SGCZ: variants seen among roughly 807,000 people sequenced by gnomAD.
The protein encoded by SGCZ is sarcoglycan zeta.
In SGCZ, 40 loss-of-function variants were observed where a neutral mutation model predicts 41.3. The observed-to-expected ratio is 0.97, with a 90% CI of 0.75 to 1.26. SGCZ has a LOEUF of 1.26. SGCZ is among the 50% of genes most tolerant of loss of function. SGCZ has a pLI of 0.00. For synonymous variants in SGCZ, 206 were observed against 137.5 expected (o/e 1.50, Z -3.49); for missense variants, 552 against 369.8 (o/e 1.49, Z -4.04).
intron 4 of SGCZ, among the ~76,000 whole-genome samples, chr8:14,198,383 GA>G (rs1188138384): frequency 6.6e-6 from 1 of 152,186 alleles, no homozygotes; most frequent in Non-Finnish European, 1.5e-5. Flanking sequence ...CTGCCAAAGA[GA>G]GGTGTTAAAG....
At chr8:14,759,595 T>C (rs140759058) in intron 1 of SGCZ, among the ~76,000 whole-genome samples, 254 of 152,296 alleles carry the variant, frequency 1.7e-3, no homozygotes, top group African/African-American at 5.9e-3. Context: ...TTAAGATTCA[T>C]AGAGAGTCTA....
At chr8:15,192,541 T>C (rs944799965) in intron 1 of SGCZ, among the ~76,000 whole-genome samples, 1 of 152,152 alleles carries the variant, frequency 6.6e-6, no homozygotes, top group African/African-American at 2.4e-5. Flanking sequence ...TCTACAACTT[T>C]GAAATTTGGA....
chr8:14,384,926 T>C (rs183950667), intron 2 of SGCZ, among the ~76,000 whole-genome samples: 23 of 152,352 alleles, frequency 1.5e-4, no homozygotes, highest in African/African-American at 5.1e-4. Context: ...CAGTCCTAAC[T>C]GAAAATGTTA....
chr8:14,701,365 G>T (rs983118309), intron 1 of SGCZ, among the ~76,000 whole-genome samples: 6 of 151,864 alleles, frequency 4.0e-5, no homozygotes, highest in African/African-American at 1.5e-4. Context: ...CCTGAGTGGT[G>T]AGAATATTAG....
At chr8:15,165,907 C>G (rs1203519513) in intron 1 of SGCZ, among the ~76,000 whole-genome samples, 1 of 152,160 alleles carries the variant, frequency 6.6e-6, no homozygotes, top group African/African-American at 2.4e-5. Flanking sequence ...AAAATCATAA[C>G]AAGGTTTTCC....
chr8:14,417,021 C>G (rs561295185), intron 2 of SGCZ, among the ~76,000 whole-genome samples: 157 of 151,778 alleles, frequency 1.0e-3, no homozygotes, highest in African/African-American at 3.6e-3. Flanking sequence ...TACTTCTTCC[C>G]AGGATCAAGC....
At chr8:14,612,512 T>C (rs867228888) in intron 1 of SGCZ, among the ~76,000 whole-genome samples, 3 of 152,170 alleles carry the variant, frequency 2.0e-5, no homozygotes, top group Admixed American at 6.5e-5. Context: ...ACTGTGAGAA[T>C]GGACTAATAC....
At chr8:14,401,696 A>G (rs1224218947) in intron 2 of SGCZ, among the ~76,000 whole-genome samples, 2 of 151,748 alleles carry the variant, frequency 1.3e-5, no homozygotes, top group Non-Finnish European at 2.9e-5. Context: ...ATTGTTGGAC[A>G]TTTGGGTTGG....
At chr8:15,178,648 T>C (rs1800070078) in intron 1 of SGCZ, among the ~76,000 whole-genome samples, 1 of 152,194 alleles carries the variant, frequency 6.6e-6, no homozygotes. Context: ...TACCCATTGA[T>C]TGCCAGTTCC....
At chr8:14,705,910 G>C (rs549101870) in intron 1 of SGCZ, among the ~76,000 whole-genome samples, 1 of 151,992 alleles carries the variant, frequency 6.6e-6, no homozygotes, top group South Asian at 2.1e-4. Flanking sequence ...TCCCCACCAG[G>C]ATAGGAGTTG....
chr8:15,155,992 A>G (rs1462163742), intron 1 of SGCZ, among the ~76,000 whole-genome samples: 4 of 143,694 alleles, frequency 2.8e-5, no homozygotes, highest in African/African-American at 1.0e-4. Flanking sequence ...TGGGAGGCAG[A>G]GGTTGCAGTG....
chr8:14,427,510 G>A (rs757783036), intron 2 of SGCZ, among the ~76,000 whole-genome samples: 10 of 151,818 alleles, frequency 6.6e-5, no homozygotes, highest in South Asian at 2.1e-4. Context: ...CTCCCCACTC[G>A]TTGCGTTTCC....
intron 5 of SGCZ, among the ~76,000 whole-genome samples, chr8:14,160,914 C>A (rs1300558373): frequency 1.3e-5 from 2 of 152,152 alleles, no homozygotes; most frequent in African/African-American, 4.8e-5. Flanking sequence ...TCCTGAAAGA[C>A]AAGTTCCTTT....
chr8:15,204,688 C>A (rs145867377), intron 1 of SGCZ, among the ~76,000 whole-genome samples: 4 of 152,262 alleles, frequency 2.6e-5, no homozygotes, highest in African/African-American at 9.6e-5. Context: ...GTATAAAGCC[C>A]TTCCAGACTT....
At chr8:14,770,453 G>A (rs6989254) in intron 1 of SGCZ, among the ~76,000 whole-genome samples, 1 of 151,558 alleles carries the variant, frequency 6.6e-6, no homozygotes, top group Non-Finnish European at 1.5e-5. Context: ...TAAGGAGAGG[G>A]AGGTAAACTC....
At chr8:14,723,675 T>C (rs1809961574) in intron 1 of SGCZ, among the ~76,000 whole-genome samples, 1 of 152,090 alleles carries the variant, frequency 6.6e-6, no homozygotes, top group African/African-American at 2.4e-5. Flanking sequence ...TTTATCTATA[T>C]ATATATATGT....
chr8:14,461,240 G>A (rs1800893737), intron 2 of SGCZ, among the ~76,000 whole-genome samples: 1 of 152,086 alleles, frequency 6.6e-6, no homozygotes, highest in African/African-American at 2.4e-5. Flanking sequence ...GTAGTCCTAT[G>A]AACAGCTAGT....
At chr8:15,106,182 TTAC>T (rs1321673368) in intron 1 of SGCZ, among the ~76,000 whole-genome samples, 2 of 152,158 alleles carry the variant, frequency 1.3e-5, no homozygotes, top group African/African-American at 4.8e-5. Context: ...GTAGCATCTT[TTAC>T]TACTAATTAG....
At chr8:14,413,978 A>T (rs1009959335) in intron 2 of SGCZ, among the ~76,000 whole-genome samples, 1 of 151,952 alleles carries the variant, frequency 6.6e-6, no homozygotes, top group Non-Finnish European at 1.5e-5. Flanking sequence ...TGTTCTTTAG[A>T]TTATTAATCG....
Sources: gnomAD v4.1 joint callset for allele counts (sites outside exome capture counted in the v4.1 genomes callset) on GRCh38, gnomAD v4.1.1 for gene constraint, MANE v1.5 for transcripts, NCBI Gene and HGNC (gene_info 2026-07-23, HGNC 2026-07-21) for gene names.